IVNS1ABP: variants seen among roughly 807,000 people sequenced by gnomAD.
The protein encoded by IVNS1ABP is influenza virus NS1A binding protein.
A neutral mutation model predicts 78.9 loss-of-function variants in IVNS1ABP; 25 were observed. That is an observed-to-expected ratio of 0.32 (90% CI 0.23 to 0.44). IVNS1ABP has a LOEUF of 0.44. Among genes scored for constraint, IVNS1ABP ranks in the 20% least tolerant of loss-of-function variants. The probability of loss-of-function intolerance (pLI) is 1.00; values close to 1 mark genes in which losing one functional copy is unlikely to be tolerated. For missense variants in IVNS1ABP, 494 were observed against 768.9 expected (o/e 0.64, Z 4.23); for synonymous variants, 241 against 259.7 (o/e 0.93, Z 0.69).
rs1665449849 is a variant in IVNS1ABP, at chr1:185,297,494, TAA to T, written c.*539_*540del. On this transcript the variant is annotated 3_prime_UTR_variant, in exon 15 of 15. Transcript: ENST00000367498. ...TTGGTAAAGCACTCTGCTGAGAATATAAAAAGTTATAAAAAGGCAATCATAAA... is the reference window on the plus strand; with the variant it reads ...TTGGTAAAGCACTCTGCTGAGAATATAAAGTTATAAAAAGGCAATCATAAA... The T allele has an allele frequency of 6.5e-6, 1 of 153,472 alleles. No homozygotes were observed. The highest frequency in any genetic ancestry group is 2.4e-5 in the African/African-American group (1 of 41,454). The allele number at this position is 153,472 out of a possible 1,614,324, so 9.5% of individuals were successfully genotyped here. A position where few individuals can be genotyped will look rare whatever the true frequency, so the allele number is the denominator to read the frequency against.
Position 185,317,187 on chromosome 1 carries a change from A to C in IVNS1ABP, c.-481T>G, listed in dbSNP as rs1666062409. The C allele has an allele frequency of 2.5e-6, 1 of 397,536 alleles. No individual in the cohort carries two copies. Among genetic ancestry groups the C allele is most frequent in the Non-Finnish European group, 4.4e-6 (1 of 225,926 alleles). 24.6% of individuals were successfully genotyped at this position (397,536 alleles called of 1,614,324 possible). ...ACAGCCGCGCCGAAGCAGCAGGCGGAGAAACTGCGCCCAGCAGCTCTGAGC... is the reference window on the plus strand; with the variant it reads ...ACAGCCGCGCCGAAGCAGCAGGCGGCGAAACTGCGCCCAGCAGCTCTGAGC... On this transcript the variant is annotated 5_prime_UTR_variant, in exon 1 of 15. Coordinates refer to ENST00000367498, the MANE Select transcript of IVNS1ABP (RefSeq NM_006469.5).
chr1:185,306,815 AAAAG>A (rs1665750866), intron 7 of IVNS1ABP, 195 bp downstream of exon 7: 1 of 735,088 alleles, frequency 1.4e-6, no homozygotes, highest in Non-Finnish European at 2.1e-6. Context: ...AAGAAATAAA[AAAAG>A]AAAAGCAGAA....
In IVNS1ABP at chr1:185,301,177, C is replaced by T; in HGVS notation, c.915G>A (p.Leu305=). 1 of 1,613,232 alleles carries T rather than the reference C, an allele frequency of 6.2e-7. No homozygotes were observed. The highest frequency in any genetic ancestry group is 2.2e-5 in the East Asian group (1 of 44,854). The change falls in exon 10 of 15, where the codon CTG becomes CTA. Residue 305 remains leucine, a synonymous_variant. Transcript: ENST00000367498. ...CACAGAATATACCATCCAGCACAGC[C>T]AGGCACAAGTAAGTGTTATCTGTAA... ...EKTSNNTYLC[L]AVLDGIFCVI...
In IVNS1ABP at chr1:185,298,008, T is replaced by C; in HGVS notation, c.*27A>G. On this transcript the variant is annotated 3_prime_UTR_variant, in exon 15 of 15. Coordinates refer to ENST00000367498, the MANE Select transcript of IVNS1ABP (RefSeq NM_006469.5). The surrounding 1 kb of genome is among the most constrained non-coding windows in gnomAD (Gnocchi z 4.1). Reference sequence around the variant, plus strand: ...CTAACCATAATTACATCACTAAGCCTGTTAGTTTGAGAGGGTCTTAAATTT... The same window carrying C: ...CTAACCATAATTACATCACTAAGCCCGTTAGTTTGAGAGGGTCTTAAATTT... The C allele has an allele frequency of 6.2e-7, 1 of 1,606,816 alleles. No individual in the cohort carries two copies. Among genetic ancestry groups the C allele is most frequent in the Non-Finnish European group, 8.5e-7 (1 of 1,175,282 alleles).
At chr1:185,299,907 T>G in intron 13 of IVNS1ABP, 24 bp from the exon 14 acceptor site, 1 of 1,613,360 alleles carries the variant, frequency 6.2e-7, no homozygotes, top group Non-Finnish European at 8.5e-7. Context: ...CAAGTCAAGA[T>G]TATTGCTACA....
At chr1:185,300,154 A>G (rs1214733345) in intron 12 of IVNS1ABP, 24 bp from the exon 13 acceptor site, 1 of 1,606,388 alleles carries the variant, frequency 6.2e-7, no homozygotes, top group East Asian at 2.2e-5. Flanking sequence ...AAATAAAGTT[A>G]CATATTGATA....
At chr1:185,299,591 G>C (rs1311415900) in intron 14 of IVNS1ABP, 119 bp downstream of exon 14, 1 of 916,824 alleles carries the variant, frequency 1.1e-6, no homozygotes, top group Admixed American at 1.8e-5. Context: ...TGCATCAAAA[G>C]AGATGACTGC....
rs1665448389 is a variant in IVNS1ABP, at chr1:185,297,435, T to G, written c.*600A>C. On this transcript the variant is annotated 3_prime_UTR_variant, in exon 15 of 15. Coordinates refer to ENST00000367498, the MANE Select transcript of IVNS1ABP (RefSeq NM_006469.5). The stretch of plus-strand genomic sequence containing the variant: ...TGCAAACTGAAGACTGCCACTCTGC[T>G]TCAATAACTCCAGCCTGCCACATTT... The G allele has an allele frequency of 6.6e-6, 1 of 152,516 alleles. No individual in the cohort carries two copies. The highest frequency in any genetic ancestry group is 2.4e-5 in the African/African-American group (1 of 41,450). 9.4% of individuals were successfully genotyped at this position (152,516 alleles called of 1,614,324 possible). A position where few individuals can be genotyped will look rare whatever the true frequency, so the allele number is the denominator to read the frequency against.
chr1:185,307,387 A>G (rs1665766400), intron 6 of IVNS1ABP, 102 bp downstream of exon 6: 4 of 971,928 alleles, frequency 4.1e-6, no homozygotes, highest in African/African-American at 1.7e-5. Flanking sequence ...TATAATTTCA[A>G]TGTATTATTT....
chr1:185,305,713 A>G lies in IVNS1ABP; in HGVS notation c.658-70T>C, dbSNP rs182711712. The G allele has an allele frequency of 1.2e-4, 183 of 1,563,926 alleles. No individual in the cohort carries two copies. The African/African-American group carries it at 2.2e-3, about 19-fold the overall frequency. Reference sequence around the variant, plus strand: ...GCTACTCCACTAGTATGCAGATTACACAAACGCCTCAAGGTAACCTCCAGT... The same window carrying G: ...GCTACTCCACTAGTATGCAGATTACGCAAACGCCTCAAGGTAACCTCCAGT... On this transcript the variant is annotated intron_variant, in intron 7 of 14. Coordinates refer to ENST00000367498, the MANE Select transcript of IVNS1ABP (RefSeq NM_006469.5). The surrounding 1 kb of genome is among the most constrained non-coding windows in gnomAD (Gnocchi z 4.0).
At chr1:185,312,325 A>G (rs547115126) in intron 1 of IVNS1ABP, among the ~76,000 whole-genome samples, 6 of 152,320 alleles carry the variant, frequency 3.9e-5, no homozygotes, top group African/African-American at 4.8e-5. Flanking sequence ...CTGAACTGCT[A>G]TTACACCACT....
intron 1 of IVNS1ABP, among the ~76,000 whole-genome samples, chr1:185,312,656 C>T (rs1665918817): frequency 6.6e-6 from 1 of 152,182 alleles, no homozygotes; most frequent in Non-Finnish European, 1.5e-5. Flanking sequence ...AAAACTATAT[C>T]ACAGCATTAG....
At chr1:185,300,184 A>G (rs1326723654) in intron 12 of IVNS1ABP, 33 bp downstream of exon 12, 2 of 1,608,296 alleles carry the variant, frequency 1.2e-6, no homozygotes, top group African/African-American at 2.7e-5. Context: ...TCATATTTAA[A>G]TACTGGATAT....
At chr1:185,315,084 C>G (rs1284168326) in intron 1 of IVNS1ABP, among the ~76,000 whole-genome samples, 1 of 152,224 alleles carries the variant, frequency 6.6e-6, no homozygotes, top group Admixed American at 6.5e-5. Flanking sequence ...CTAGCACATG[C>G]ACATGACATG....
At chr1:185,300,922 A>C in intron 10 of IVNS1ABP, 50 bp downstream of exon 10, 1 of 1,441,778 alleles carries the variant, frequency 6.9e-7, no homozygotes, top group Non-Finnish European at 9.7e-7. Flanking sequence ...TTTGCATGTC[A>C]CAAAAATGCC....
At chr1:185,299,438 A>C (rs78707097) in intron 14 of IVNS1ABP, 10 of 446,988 alleles carry the variant, frequency 2.2e-5, no homozygotes, top group Non-Finnish European at 3.7e-5. Flanking sequence ...TGATGCATTA[A>C]GGATATGTTT....
In IVNS1ABP at chr1:185,300,438, A is replaced by G. The variant is rs1224989718; in HGVS notation, c.1241T>C (p.Met414Thr). ...GCTCCTGCAACATAATGCGCTTACC[A>G]TGAGTACAGCCATTTGAAATCGGGC... is the stretch of plus-strand genomic sequence containing the variant. ...PRARFQMAVLMGQLYVVGGSN... is the reference protein window; with the variant it reads ...PRARFQMAVLTGQLYVVGGSN... Residue 414 changes from methionine to threonine, a missense_variant and splice_region_variant, in exon 11 of 15, where the codon ATG becomes ACG. Coordinates refer to ENST00000367498, the MANE Select transcript of IVNS1ABP (RefSeq NM_006469.5). 2.5e-6 allele frequency: 4 copies of G among 1,613,538 alleles called. No homozygotes were observed. The highest frequency in any genetic ancestry group is 2.5e-6 in the Non-Finnish European group (3 of 1,179,728).
At chr1:185,301,665 T>G in intron 8 of IVNS1ABP, 102 bp from the exon 9 acceptor site, 1 of 1,256,146 alleles carries the variant, frequency 8.0e-7, no homozygotes, top group Non-Finnish European at 1.1e-6. Flanking sequence ...TTCACCTATA[T>G]ATGACATTTA....
chr1:185,308,546 C>A (rs1665798668), intron 5 of IVNS1ABP, among the ~76,000 whole-genome samples: 1 of 152,132 alleles, frequency 6.6e-6, no homozygotes. Context: ...TTCATGCTAT[C>A]AAAGGCTGAC....
Sources: gnomAD v4.1 joint callset for allele counts (sites outside exome capture counted in the v4.1 genomes callset) on GRCh38, gnomAD v4.1.1 for gene constraint, Gnocchi (gnomAD v3.1) non-coding constraint, MANE v1.5 for transcripts, NCBI Gene and HGNC (gene_info 2026-07-23, HGNC 2026-07-21) for gene names.